Variants in CFAP96 observed in about 807,000 individuals in gnomAD.
The protein encoded by CFAP96 is cilia-and flagella-associated protein 96.
At chr4:185,423,850 G>C in the CFAP96 span, among the ~76,000 whole-genome samples, 2 of 152,062 alleles carry the variant, frequency 1.3e-5, no homozygotes, top group African/African-American at 4.8e-5. Flanking sequence ...GACAGGAAGG[G>C]AGAAAGAGAG....
At chr4:185,432,878 G>C in the CFAP96 span, among the ~76,000 whole-genome samples, 1 of 151,250 alleles carries the variant, frequency 6.6e-6, no homozygotes, top group Non-Finnish European at 1.5e-5. Flanking sequence ...AAAAAATGTG[G>C]AATTAGGATA....
At chr4:185,425,184 T>A in the CFAP96 span, among the ~76,000 whole-genome samples, 1 of 152,134 alleles carries the variant, frequency 6.6e-6, no homozygotes, top group South Asian at 2.1e-4. Flanking sequence ...CAAGGATGAT[T>A]TCCAGGTTTT....
chr4:185,445,225 T>A, the CFAP96 span: 1 of 1,157,286 alleles, frequency 8.6e-7, no homozygotes, highest in African/African-American at 1.6e-5. Context: ...ATATATACTT[T>A]TTTAAATGAC....
the CFAP96 span, among the ~76,000 whole-genome samples, chr4:185,430,714 A>G: frequency 1.3e-5 from 2 of 151,520 alleles, no homozygotes; most frequent in Non-Finnish European, 2.9e-5. Context: ...ACAAGCCTGG[A>G]CAACATAGTG....
chr4:185,445,262 G>A, the CFAP96 span: 1 of 831,952 alleles, frequency 1.2e-6, no homozygotes, highest in East Asian at 2.7e-5. Flanking sequence ...AGACATCTCA[G>A]CTCCTTCCAT....
At chr4:185,422,570 CAAAT>C in the CFAP96 span, 2 of 1,583,178 alleles carry the variant, frequency 1.3e-6, no homozygotes, top group African/African-American at 2.7e-5. Flanking sequence ...TCACCTAGAA[CAAAT>C]AAAGATAAAG....
the CFAP96 span, among the ~76,000 whole-genome samples, chr4:185,447,503 TTA>T: frequency 3.9e-5 from 6 of 152,152 alleles, no homozygotes; most frequent in Non-Finnish European, 5.9e-5. Context: ...TTCAAAACAT[TTA>T]TCTCAATATG....
the CFAP96 span, chr4:185,440,588 T>A: frequency 6.5e-7 from 1 of 1,536,520 alleles, no homozygotes; most frequent in Non-Finnish European, 8.8e-7. Flanking sequence ...ACCATTTAAG[T>A]TAAATCTTCA....
the CFAP96 span, among the ~76,000 whole-genome samples, chr4:185,416,932 A>G: frequency 6.6e-6 from 1 of 152,248 alleles, no homozygotes; most frequent in Admixed American, 6.5e-5. Flanking sequence ...TTAATATTGG[A>G]TTCTGGCAGA....
chr4:185,439,754 CAT>C, the CFAP96 span, among the ~76,000 whole-genome samples: 8 of 147,294 alleles, frequency 5.4e-5, no homozygotes, highest in African/African-American at 1.2e-4. Context: ...ATACATATCT[CAT>C]ATATACATAT....
At chr4:185,447,348 A>AT in the CFAP96 span, among the ~76,000 whole-genome samples, 2,620 of 151,850 alleles carry the variant, frequency 0.017, 38 homozygotes, top group Middle Eastern at 0.024. Context: ...CGCCCGGCTA[A>AT]TTTTTGTATT....
the CFAP96 span, chr4:185,415,174 T>C: frequency 6.2e-7 from 1 of 1,600,102 alleles, no homozygotes; most frequent in Non-Finnish European, 8.5e-7. Flanking sequence ...GGCCTGCAGC[T>C]GGCCATCTGG....
chr4:185,428,041 G>A, the CFAP96 span, among the ~76,000 whole-genome samples: 1 of 150,136 alleles, frequency 6.7e-6, no homozygotes, highest in Admixed American at 6.6e-5. Flanking sequence ...AGCCGAGATC[G>A]CGCTATTGCA....
chr4:185,444,551 AG>A, the CFAP96 span, among the ~76,000 whole-genome samples: 2 of 151,930 alleles, frequency 1.3e-5, no homozygotes, highest in Admixed American at 6.6e-5. Flanking sequence ...TTTTTTTTAA[AG>A]TATCTTCTCC....
At chr4:185,449,363 A>T in the CFAP96 span, among the ~76,000 whole-genome samples, 2 of 152,130 alleles carry the variant, frequency 1.3e-5, no homozygotes, top group Non-Finnish European at 2.9e-5. Flanking sequence ...TCTACAAAAA[A>T]TATAAAAATT....
chr4:185,427,093 A>T, the CFAP96 span, among the ~76,000 whole-genome samples: 68 of 151,534 alleles, frequency 4.5e-4, no homozygotes, highest in African/African-American at 1.6e-3. Flanking sequence ...ATAAGAAAAA[A>T]GTTAAGTGAT....
chr4:185,415,905 T>C, the CFAP96 span: 2 of 1,507,744 alleles, frequency 1.3e-6, no homozygotes, highest in Non-Finnish European at 1.8e-6. Flanking sequence ...TTGTAGTGCA[T>C]TAAACACTAA....
chr4:185,418,405 AT>A, the CFAP96 span: 2 of 1,499,610 alleles, frequency 1.3e-6, no homozygotes, highest in East Asian at 4.5e-5. Context: ...AAGATTTAAC[AT>A]TTTTATCAGT....
chr4:185,417,766 G>T, the CFAP96 span, among the ~76,000 whole-genome samples: 3 of 152,000 alleles, frequency 2.0e-5, no homozygotes, highest in Admixed American at 6.6e-5. Context: ...AGAACCAGCC[G>T]GGCGCGGTGG....
Sources: gnomAD v4.1 joint callset for allele counts (sites outside exome capture counted in the v4.1 genomes callset) on GRCh38, gnomAD v4.1.1 for gene constraint, MANE v1.5 for transcripts, NCBI Gene and HGNC (gene_info 2026-07-23, HGNC 2026-07-21) for gene names.